ARSK: variants seen among roughly 807,000 people sequenced by gnomAD.
ARSK encodes the protein arylsulfatase K.
ARSK carries 37 observed loss-of-function variants against 53.2 expected under a neutral mutation model. The ratio of observed to expected loss-of-function variants is 0.70; its 90% CI spans 0.54 to 0.92. The LOEUF is 0.92. Among genes scored for constraint, ARSK ranks in the 40% least tolerant of loss-of-function variants. ARSK has a pLI of 0.00. For synonymous variants in ARSK, 208 were observed against 223.2 expected (o/e 0.93, Z 0.61); for missense variants, 613 against 643.0 (o/e 0.95, Z 0.51).
intron 3 of ARSK, among the ~76,000 whole-genome samples, chr5:95,570,187 C>T (rs1393753452): frequency 6.6e-6 from 1 of 152,176 alleles, no homozygotes; most frequent in Admixed American, 6.5e-5. Flanking sequence ...TAGTTAAAAT[C>T]CCAAATCCAC....
chr5:95,600,821 G>A, intron 6 of ARSK, 26 bp from the exon 7 acceptor site: 1 of 1,574,660 alleles, frequency 6.4e-7, no homozygotes, highest in Non-Finnish European at 8.7e-7. Context: ...GCTATTTTAA[G>A]ATATTTGGTT....
intron 1 of ARSK, among the ~76,000 whole-genome samples, chr5:95,561,943 G>A (rs941338539): frequency 2.0e-5 from 3 of 152,136 alleles, no homozygotes; most frequent in South Asian, 2.1e-4. Flanking sequence ...GGCTAGGCAC[G>A]GTGGTTCACA....
At chr5:95,584,618 T>G (rs1327153966) in intron 4 of ARSK, among the ~76,000 whole-genome samples, 3 of 152,092 alleles carry the variant, frequency 2.0e-5, no homozygotes, top group Non-Finnish European at 4.4e-5. Flanking sequence ...CCACAGAGTT[T>G]GTGAGAAAAT....
intron 3 of ARSK, among the ~76,000 whole-genome samples, chr5:95,572,283 A>AT (rs1202178241): frequency 6.6e-6 from 1 of 152,206 alleles, no homozygotes; most frequent in African/African-American, 2.4e-5. Flanking sequence ...TGAGCAAGTA[A>AT]TTTATCTGCT....
Position 95,586,706 on chromosome 5 carries a change from A to C in ARSK, c.844A>C (p.Met282Leu), listed in dbSNP as rs774303564. 3.1e-6 allele frequency: 5 copies of C among 1,609,540 alleles called. No homozygotes were observed. The East Asian group carries it at 1.1e-4, about 36-fold the overall frequency. The change falls in exon 5 of 8, where the codon ATG becomes CTG. Residue 282 changes from methionine to leucine, a missense_variant. Coordinates refer to ENST00000380009, the MANE Select transcript of ARSK (RefSeq NM_198150.3). ...GAATATTAGAGCATTTTATTATGCT[A>C]TGTGTGCTGAGACAGATGCCATGCT... ...IKNIRAFYYA[M>L]CAETDAMLGE...
chr5:95,583,240 A>T (rs1166373610), intron 4 of ARSK, 42 bp downstream of exon 4: 25 of 1,420,854 alleles, frequency 1.8e-5, no homozygotes, highest in Non-Finnish European at 2.2e-5. Context: ...AGATTTATAT[A>T]TGTGGCTTAT....
At chr5:95,589,385 C>T (rs569518320) in intron 5 of ARSK, among the ~76,000 whole-genome samples, 1 of 152,302 alleles carries the variant, frequency 6.6e-6, no homozygotes, top group African/African-American at 2.4e-5. Flanking sequence ...ATCAACCCAT[C>T]ACCTAGGTAT....
chr5:95,563,536 G>C (rs1748675933), intron 1 of ARSK, among the ~76,000 whole-genome samples: 1 of 152,100 alleles, frequency 6.6e-6, no homozygotes, highest in Admixed American at 6.6e-5. Flanking sequence ...GGTTATCTCT[G>C]CCACTATATT....
intron 4 of ARSK, among the ~76,000 whole-genome samples, chr5:95,585,428 A>G (rs1749095853): frequency 6.6e-6 from 1 of 152,236 alleles, no homozygotes; most frequent in African/African-American, 2.4e-5. Flanking sequence ...CCAAATGCCC[A>G]TCACTCAACC....
At position 95,600,993 on chromosome 5, in the gene ARSK, T is replaced by A. The variant is rs754905227; in HGVS notation, c.1243T>A (p.Ser415Thr). The A allele has an allele frequency of 9.4e-5, 151 of 1,613,962 alleles. No homozygotes were observed. The highest frequency in any genetic ancestry group is 1.2e-4 in the Non-Finnish European group (140 of 1,179,950). The change falls in exon 7 of 8, where the codon TCC (serine) becomes ACC (threonine). Residue 415 changes from serine to threonine, a missense_variant. By Grantham distance (58) the Ser-to-Thr change is moderately conservative. Coordinates refer to ENST00000380009, the MANE Select transcript of ARSK (RefSeq NM_198150.3). ...SEFHGCNVNA[S>T]TYMLRTNHWK... ...ATTCCATGGATGTAATGTGAATGCC[T>A]CCACCTACATGCTTCGAACTAACCA...
chr5:95,560,822 T>TTTGA (rs1748618586), intron 1 of ARSK, among the ~76,000 whole-genome samples: 1 of 113,816 alleles, frequency 8.8e-6, no homozygotes, highest in Non-Finnish European at 1.9e-5. Flanking sequence ...TTTTTTTTTT[T>TTTGA]GAAATGGAGT....
chr5:95,584,042 C>T (rs1749066944), intron 4 of ARSK, among the ~76,000 whole-genome samples: 1 of 152,162 alleles, frequency 6.6e-6, no homozygotes, highest in South Asian at 2.1e-4. Flanking sequence ...GTCAACATTC[C>T]CAGCTCCGCT....
intron 1 of ARSK, among the ~76,000 whole-genome samples, chr5:95,558,268 C>G (rs1748562805): frequency 1.3e-5 from 2 of 152,168 alleles, no homozygotes; most frequent in Non-Finnish European, 2.9e-5. Flanking sequence ...TGCCCTGGCC[C>G]TAGCTCTCTA....
intron 3 of ARSK, among the ~76,000 whole-genome samples, chr5:95,582,084 A>G (rs1749029312): frequency 6.6e-6 from 1 of 151,954 alleles, no homozygotes; most frequent in African/African-American, 2.4e-5. Context: ...TTTATTTGTG[A>G]GTTGGTATCT....
At chr5:95,595,544 A>T (rs1457469530) in intron 6 of ARSK, among the ~76,000 whole-genome samples, 1 of 152,244 alleles carries the variant, frequency 6.6e-6, no homozygotes, top group East Asian at 1.9e-4. Flanking sequence ...GGAGGCCATT[A>T]TCCTAAGCAA....
chr5:95,569,785 ACTAAAATAAT>A (rs768737986), intron 3 of ARSK, among the ~76,000 whole-genome samples: 1 of 152,188 alleles, frequency 6.6e-6, no homozygotes, highest in African/African-American at 2.4e-5. Flanking sequence ...GTAAACAGAT[ACTAAAATAAT>A]CTAAAATAAT....
chr5:95,593,367 T>C (rs903165624), intron 6 of ARSK, among the ~76,000 whole-genome samples: 46 of 152,216 alleles, frequency 3.0e-4, no homozygotes, highest in African/African-American at 1.1e-3. Context: ...AGCAGCTAAA[T>C]AGTTAAATAT....
intron 6 of ARSK, among the ~76,000 whole-genome samples, chr5:95,598,075 G>A (rs954588491): frequency 2.6e-4 from 39 of 152,122 alleles, no homozygotes; most frequent in African/African-American, 9.2e-4. Context: ...AATCCATTAT[G>A]TACTGATATG....
intron 5 of ARSK, among the ~76,000 whole-genome samples, chr5:95,588,372 G>A (rs1749157184): frequency 2.0e-5 from 3 of 151,784 alleles, no homozygotes; most frequent in Admixed American, 2.0e-4. Flanking sequence ...GAGTAGCTGG[G>A]ATTATAGGCA....
Sources: allele counts gnomAD v4.1 joint callset (sites outside exome capture counted in the v4.1 genomes callset), GRCh38; gene constraint gnomAD v4.1.1; transcripts MANE v1.5; gene names NCBI Gene and HGNC (gene_info 2026-07-23, HGNC 2026-07-21).